The following WNT3A variants were observed in gnomAD, a reference collection of about 807,000 sequenced individuals.
The protein encoded by WNT3A is protein Wnt-3a.
In WNT3A, 17 loss-of-function variants were observed where a neutral mutation model predicts 37.0. That is an observed-to-expected ratio of 0.46 (90% confidence interval 0.31 to 0.69). The LOEUF (loss-of-function observed/expected upper bound fraction) is 0.69, where lower values mean the gene tolerates loss of function less well. Among genes scored for constraint, WNT3A ranks in the 30% least tolerant of loss-of-function variants. The pLI is 0.05. For missense variants in WNT3A, 411 were observed against 510.2 expected (o/e 0.81, Z 1.87); for synonymous variants, 187 against 211.0 (o/e 0.89, Z 0.99).
chr1:228,050,525 T>A lies in WNT3A; in HGVS notation c.314-131T>A. On this transcript the variant is annotated intron_variant, in intron 2 of 3. Transcript: ENST00000284523. This position sits in a 1 kb window ranked among gnomAD's most constrained non-coding sequence, Gnocchi z 5.0. ...TGTAGATCCGTGAACCAAGTAAGCC[T>A]CTTTGCCTTATACACCACCCAACCT... The A allele has an allele frequency of 8.6e-7, 1 of 1,167,456 alleles. No individual in the cohort carries two copies. The highest frequency in any genetic ancestry group is 1.2e-6 in the Non-Finnish European group (1 of 865,424). The allele number at this position is 1,167,456 out of a possible 1,614,324, so 72.3% of individuals were successfully genotyped here. A position where few individuals can be genotyped will look rare whatever the true frequency, so the allele number is the denominator to read the frequency against.
chr1:228,046,419 T>A (rs1316848046), intron 2 of WNT3A, among the ~76,000 whole-genome samples: 1 of 150,286 alleles, frequency 6.7e-6, no homozygotes, highest in African/African-American at 2.5e-5. Flanking sequence ...GTGTATGGTG[T>A]GCATGCATGC....
At chr1:228,036,416 G>A (rs1379427089) in intron 2 of WNT3A, among the ~76,000 whole-genome samples, 1 of 152,084 alleles carries the variant, frequency 6.6e-6, no homozygotes, top group Non-Finnish European at 1.5e-5. Flanking sequence ...AACATATGAA[G>A]GAAGAAGCTT....
intron 1 of WNT3A, among the ~76,000 whole-genome samples, chr1:228,012,149 C>T (rs562706736): frequency 6.6e-6 from 1 of 152,302 alleles, no homozygotes; most frequent in Non-Finnish European, 1.5e-5. Context: ...GTGGTGACTG[C>T]CCGGTGGCCA....
intron 1 of WNT3A, among the ~76,000 whole-genome samples, chr1:228,020,152 G>T (rs867338527): frequency 2.6e-5 from 4 of 152,214 alleles, no homozygotes; most frequent in African/African-American, 4.8e-5. Context: ...TGAGCCAAGA[G>T]GGGGAGGTTG....
chr1:228,023,864 C>T (rs2030792569), intron 2 of WNT3A, among the ~76,000 whole-genome samples: 1 of 152,240 alleles, frequency 6.6e-6, no homozygotes, highest in Non-Finnish European at 1.5e-5. Flanking sequence ...ACCCGCCTGC[C>T]TTCTCCCCTG....
At chr1:228,012,441 G>A (rs1188150453) in intron 1 of WNT3A, among the ~76,000 whole-genome samples, 2 of 152,212 alleles carry the variant, frequency 1.3e-5, no homozygotes, top group Admixed American at 1.3e-4. Flanking sequence ...TGTAATAATG[G>A]AAATTTAAAA....
At chr1:228,017,966 CA>C (rs2030580118) in intron 1 of WNT3A, among the ~76,000 whole-genome samples, 1 of 152,190 alleles carries the variant, frequency 6.6e-6, no homozygotes, top group Non-Finnish European at 1.5e-5. Flanking sequence ...ACAAAAAATA[CA>C]AAGCAAGAGA....
intron 2 of WNT3A, among the ~76,000 whole-genome samples, chr1:228,032,919 G>A (rs2031046305): frequency 6.6e-6 from 1 of 152,206 alleles, no homozygotes; most frequent in Non-Finnish European, 1.5e-5. Flanking sequence ...GCATTTCCCT[G>A]ATATCTAAGG....
rs1435604363 is a variant in WNT3A, at chr1:228,007,605, A to G, written c.71+406A>G. Among the ~76,000 whole-genome samples the G allele has an allele frequency of 6.6e-6, 1 of 152,166 alleles. No individual in the cohort carries two copies. The highest frequency in any genetic ancestry group is 1.5e-5 in the Non-Finnish European group (1 of 68,028). ...GAGAATTCGCCGGAGACTTTCCTCA[A>G]AAACCGTATCTTACACACAAACACA... is the stretch of plus-strand genomic sequence containing the variant. On this transcript the variant is annotated intron_variant, in intron 1 of 3. Coordinates refer to ENST00000284523, the MANE Select transcript of WNT3A (RefSeq NM_033131.4). This position sits in a 1 kb window ranked among gnomAD's most constrained non-coding sequence, Gnocchi z 6.0.
Position 228,055,197 on chromosome 1 carries a change from T to A in WNT3A, c.580-3789T>A, listed in dbSNP as rs1353041437. 1.6e-3 allele frequency among the ~76,000 whole-genome samples: 108 copies of A among 68,504 alleles called. 7 individuals are homozygous for A. Among genetic ancestry groups the A allele is most frequent in the African/African-American group, 4.9e-3 (104 of 21,298 alleles). 44.9% of individuals were successfully genotyped at this position (68,504 alleles called of 152,430 possible). A position where few individuals can be genotyped will look rare whatever the true frequency, so the allele number is the denominator to read the frequency against. On this transcript the variant is annotated intron_variant, in intron 3 of 3. Coordinates refer to ENST00000284523, the MANE Select transcript of WNT3A (RefSeq NM_033131.4). ...AAAAAAAAATATATATATATATATATATATATATATATATATATATATACA... is the reference window on the plus strand; with the variant it reads ...AAAAAAAAATATATATATATATATAAATATATATATATATATATATATACA...
intron 2 of WNT3A, among the ~76,000 whole-genome samples, chr1:228,046,099 C>T (rs907980448): frequency 6.6e-6 from 1 of 152,200 alleles, no homozygotes; most frequent in Non-Finnish European, 1.5e-5. Flanking sequence ...AGGAAGGAAC[C>T]GGAAAGAGCC....
chr1:228,031,800 G>A lies in WNT3A; in HGVS notation c.313+8892G>A, dbSNP rs1321322482. ...GTGCTGTAGCCAGTGGTGGCATGGAGGGAGGCATGGGCAACATATACACTG... is the reference window on the plus strand; with the variant it reads ...GTGCTGTAGCCAGTGGTGGCATGGAAGGAGGCATGGGCAACATATACACTG... On this transcript the variant is annotated intron_variant, in intron 2 of 3. Coordinates refer to ENST00000284523, the MANE Select transcript of WNT3A (RefSeq NM_033131.4). The surrounding 1 kb of genome is among the most constrained non-coding windows in gnomAD (Gnocchi z 4.8). 6.6e-6 allele frequency among the ~76,000 whole-genome samples: 1 copy of A among 152,166 alleles called. No individual in the cohort carries two copies. Among genetic ancestry groups the A allele is most frequent in the African/African-American group, 2.4e-5 (1 of 41,410 alleles).
chr1:228,054,365 C>T (rs763421622), intron 3 of WNT3A, among the ~76,000 whole-genome samples: 1 of 152,068 alleles, frequency 6.6e-6, no homozygotes, highest in Non-Finnish European at 1.5e-5. Flanking sequence ...TGGCTCACAC[C>T]TATAATCCCA....
intron 2 of WNT3A, among the ~76,000 whole-genome samples, chr1:228,047,010 A>G (rs1035132568): frequency 9.2e-5 from 14 of 152,118 alleles, no homozygotes; most frequent in African/African-American, 2.7e-4. Flanking sequence ...GGACCCACAG[A>G]TAAGAACCAG....
At chr1:228,036,553 A>G (rs2031149806) in intron 2 of WNT3A, among the ~76,000 whole-genome samples, 1 of 152,202 alleles carries the variant, frequency 6.6e-6, no homozygotes, top group Non-Finnish European at 1.5e-5. Flanking sequence ...CTGTCACAGA[A>G]GCTGAGCCTG....
Position 228,043,594 on chromosome 1 carries a change from T to C in WNT3A, c.314-7062T>C, listed in dbSNP as rs149187715. On this transcript the variant is annotated intron_variant, in intron 2 of 3. Coordinates refer to ENST00000284523, the MANE Select transcript of WNT3A (RefSeq NM_033131.4). ...AAACCCCTGACAAAGGTGTTTGTGG[T>C]AGAGAACTTGGTTTCCGTGGAGGCT... Among the ~76,000 whole-genome samples, 1,268 of 152,304 alleles carry C rather than the reference T, an allele frequency of 8.3e-3. 19 individuals are homozygous for C. The highest frequency in any genetic ancestry group is 0.029 in the African/African-American group (1,189 of 41,562).
At position 228,038,924 on chromosome 1, in the gene WNT3A, C is replaced by T. The variant is rs546427529; in HGVS notation, c.314-11732C>T. On this transcript the variant is annotated intron_variant, in intron 2 of 3. Coordinates refer to ENST00000284523, the MANE Select transcript of WNT3A (RefSeq NM_033131.4). The surrounding 1 kb of genome is among the most constrained non-coding windows in gnomAD (Gnocchi z 5.7). ...GCTGCAGTAGGGTGCACTTGGGGGA[C>T]AGAGGGCATTTTTTTGTCACAGTGG... Among the ~76,000 whole-genome samples the T allele has an allele frequency of 1.8e-4, 28 of 152,244 alleles. No homozygotes were observed. Among genetic ancestry groups the T allele is most frequent in the African/African-American group, 6.5e-4 (27 of 41,538 alleles).
chr1:228,041,516 AATTC>A (rs896949250), intron 2 of WNT3A, among the ~76,000 whole-genome samples: 1 of 148,284 alleles, frequency 6.7e-6, no homozygotes, highest in Non-Finnish European at 1.5e-5. Context: ...TCTATCCATC[AATTC>A]ATCCATCCAT....
chr1:228,044,248 A>T (rs1053815852), intron 2 of WNT3A, among the ~76,000 whole-genome samples: 3 of 152,204 alleles, frequency 2.0e-5, no homozygotes, highest in East Asian at 1.9e-4. Flanking sequence ...ACATCGCAGG[A>T]GTGGCACTGA....
Sources: gnomAD v4.1 joint callset for allele counts (sites outside exome capture counted in the v4.1 genomes callset) on GRCh38, gnomAD v4.1.1 for gene constraint, Gnocchi (gnomAD v3.1) non-coding constraint, MANE v1.5 for transcripts, NCBI Gene and HGNC (gene_info 2026-07-23, HGNC 2026-07-21) for gene names.